Variants in SULF1 observed in about 807,000 individuals in gnomAD.
SULF1 encodes sulfatase 1, also known as extracellular sulfatase Sulf-1.
A neutral mutation model predicts 110.5 loss-of-function variants in SULF1; 46 were observed. The ratio of observed to expected loss-of-function variants is 0.42; its 90% CI spans 0.33 to 0.53. SULF1 has a LOEUF of 0.53. SULF1 is among the 20% of genes least tolerant of loss of function. The probability of loss-of-function intolerance (pLI) is 0.12; values close to 1 mark genes in which losing one functional copy is unlikely to be tolerated. For missense variants in SULF1, 941 were observed against 1,094.2 expected, an observed-to-expected ratio of 0.86 and a Z score of 1.98; for synonymous variants, 371 against 387.1, an observed-to-expected ratio of 0.96 and a Z score of 0.49.
intron 1 of SULF1, among the ~76,000 whole-genome samples, chr8:69,494,470 G>A (rs1810187732): frequency 6.6e-6 from 1 of 152,040 alleles, no homozygotes; most frequent in Non-Finnish European, 1.5e-5. Context: ...CTCTTTAAAT[G>A]ATATTTTCCC....
At chr8:69,598,207 G>A (rs1426037870) in intron 8 of SULF1, among the ~76,000 whole-genome samples, 1 of 152,078 alleles carries the variant, frequency 6.6e-6, no homozygotes, top group African/African-American at 2.4e-5. Context: ...AGGATGACAG[G>A]TCATACCTGA....
chr8:69,525,725 T>C (rs1812612738), intron 3 of SULF1, among the ~76,000 whole-genome samples: 2 of 152,202 alleles, frequency 1.3e-5, no homozygotes, highest in South Asian at 4.1e-4. Context: ...ATGCCTTACA[T>C]GTGCAGGATA....
chr8:69,472,164 C>T (rs1431329693), intron 1 of SULF1, among the ~76,000 whole-genome samples: 1 of 152,038 alleles, frequency 6.6e-6, no homozygotes. Flanking sequence ...AAGAGCAGGC[C>T]CTGGGCCACT....
intron 19 of SULF1, among the ~76,000 whole-genome samples, chr8:69,634,714 T>G (rs57129740): frequency 0.016 from 2,453 of 151,826 alleles, 62 homozygotes; most frequent in African/African-American, 0.056. Flanking sequence ...ATCACACCAC[T>G]GGGCGACAGA....
chr8:69,500,462 T>G (rs1810718054), intron 2 of SULF1, among the ~76,000 whole-genome samples: 1 of 152,174 alleles, frequency 6.6e-6, no homozygotes. Flanking sequence ...TTCAGAACAG[T>G]CTCAGAAAAG....
At chr8:69,543,688 A>G (rs1237022853) in intron 3 of SULF1, among the ~76,000 whole-genome samples, 2 of 152,270 alleles carry the variant, frequency 1.3e-5, no homozygotes, top group East Asian at 3.9e-4. Context: ...ATCTGTGTTC[A>G]ATACCTTTAC....
chr8:69,468,001 C>T (rs116687528), intron 1 of SULF1, among the ~76,000 whole-genome samples: 3,845 of 152,172 alleles, frequency 0.025, 142 homozygotes, highest in African/African-American at 0.081. Flanking sequence ...AAAAAAAGGC[C>T]TTTCAATTCA....
At chr8:69,550,641 G>C (rs1250704145) in intron 3 of SULF1, among the ~76,000 whole-genome samples, 15 of 152,178 alleles carry the variant, frequency 9.9e-5, no homozygotes, top group African/African-American at 2.4e-5. Context: ...GTTGTGCCCA[G>C]ATCCCGGCAC....
At chr8:69,474,868 C>T (rs1439402033) in intron 1 of SULF1, among the ~76,000 whole-genome samples, 4 of 152,124 alleles carry the variant, frequency 2.6e-5, no homozygotes, top group Non-Finnish European at 5.9e-5. Context: ...AGATGCTTAA[C>T]ACAGAATATA....
intron 3 of SULF1, among the ~76,000 whole-genome samples, chr8:69,502,437 A>T (rs1343795995): frequency 6.6e-6 from 1 of 152,184 alleles, no homozygotes; most frequent in Non-Finnish European, 1.5e-5. Flanking sequence ...AAGAGCTTTC[A>T]TGGAGCCAGG....
At chr8:69,600,459 G>T (rs1248478826) in intron 8 of SULF1, 144 bp from the exon 9 acceptor site, 3 of 712,312 alleles carry the variant, frequency 4.2e-6, no homozygotes, top group Non-Finnish European at 6.5e-6. Flanking sequence ...TCTTATAAAT[G>T]CAAACAGAAG....
intron 10 of SULF1, among the ~76,000 whole-genome samples, chr8:69,602,762 T>G (rs1807926763): frequency 1.3e-5 from 2 of 152,240 alleles, no homozygotes; most frequent in African/African-American, 2.4e-5. Flanking sequence ...GATCTATATC[T>G]AGAAGGCTTT....
intron 3 of SULF1, among the ~76,000 whole-genome samples, chr8:69,544,096 C>T (rs1333255487): frequency 1.3e-5 from 2 of 152,162 alleles, no homozygotes; most frequent in African/African-American, 2.4e-5. Context: ...TCATGTTTCT[C>T]TTTCTAAACT....
chr8:69,611,838 C>T (rs1808681599), intron 13 of SULF1, among the ~76,000 whole-genome samples: 1 of 152,026 alleles, frequency 6.6e-6, no homozygotes, highest in South Asian at 2.1e-4. Context: ...AAGTTGTACA[C>T]AATTTTTTTA....
At chr8:69,482,398 T>C (rs113294924) in intron 1 of SULF1, among the ~76,000 whole-genome samples, 3 of 152,208 alleles carry the variant, frequency 2.0e-5, no homozygotes, top group East Asian at 3.8e-4. Flanking sequence ...GACAACCTTA[T>C]GGATCATGCC....
intron 13 of SULF1, among the ~76,000 whole-genome samples, chr8:69,608,149 C>T (rs1035129178): frequency 5.3e-5 from 8 of 152,140 alleles, no homozygotes; most frequent in African/African-American, 1.7e-4. Context: ...GAATATTGGC[C>T]GCCACCACTT....
chr8:69,554,989 A>C (rs1484406770), intron 3 of SULF1, among the ~76,000 whole-genome samples: 7 of 92,354 alleles, frequency 7.6e-5, no homozygotes, highest in South Asian at 3.3e-4. Flanking sequence ...AAAAAAAAAA[A>C]AAAAAAAAAC....
chr8:69,634,010 G>A (rs1810786820), intron 19 of SULF1, among the ~76,000 whole-genome samples: 1 of 152,112 alleles, frequency 6.6e-6, no homozygotes, highest in South Asian at 2.1e-4. Flanking sequence ...GTAGATGTGA[G>A]ATAAATGTTC....
chr8:69,575,199 GT>G (rs573518232), intron 5 of SULF1, among the ~76,000 whole-genome samples: 5,418 of 141,086 alleles, frequency 0.038, 272 homozygotes, highest in African/African-American at 0.12. Context: ...AATCGAAATA[GT>G]TTTTTTTTTT....
Sources: gnomAD v4.1 joint callset for allele counts (sites outside exome capture counted in the v4.1 genomes callset) on GRCh38, gnomAD v4.1.1 for gene constraint, MANE v1.5 for transcripts, NCBI Gene and HGNC (gene_info 2026-07-23, HGNC 2026-07-21) for gene names.